PEX3: variants seen among roughly 807,000 people sequenced by gnomAD.
The protein encoded by PEX3 is peroxin-3.
Under a neutral mutation model 55.8 loss-of-function variants are expected in PEX3, and 30 were observed. The observed-to-expected ratio is 0.54, with a 90% CI of 0.40 to 0.73. The LOEUF (loss-of-function observed/expected upper bound fraction) is 0.73. Ranked by LOEUF, PEX3 falls within the 30% of genes least tolerant of loss-of-function variation. PEX3 has a pLI of 0.00. For missense variants in PEX3, 351 were observed against 432.8 expected (o/e 0.81, Z 1.68); for synonymous variants, 135 against 148.4 (o/e 0.91, Z 0.66).
intron 2 of PEX3, among the ~76,000 whole-genome samples, chr6:143,460,864 C>CAAAA (rs57329535): frequency 1.3e-5 from 1 of 76,182 alleles, no homozygotes. Flanking sequence ...AACTCTGTCT[C>CAAAA]AAAAAAAAAA....
chr6:143,474,942 G>T (rs1780131671), intron 9 of PEX3, 86 bp downstream of exon 9: 1 of 770,680 alleles, frequency 1.3e-6, no homozygotes, highest in East Asian at 2.5e-5. Context: ...GAACAACATG[G>T]TCGGTATAAT....
At chr6:143,484,434 T>G (rs1450694498) in intron 10 of PEX3, among the ~76,000 whole-genome samples, 1 of 152,104 alleles carries the variant, frequency 6.6e-6, no homozygotes, top group Non-Finnish European at 1.5e-5. Context: ...TGAGAAATCT[T>G]TAGAATATCT....
At position 143,462,277 on chromosome 6, in the gene PEX3, G is replaced by A. The variant is rs1779930030; in HGVS notation, c.206-639G>A. ...AGCAACTTTTAGTTTCTAACCCAGTGCACTTTTATTTATGTTATAATAAAT... is the reference window on the plus strand; with the variant it reads ...AGCAACTTTTAGTTTCTAACCCAGTACACTTTTATTTATGTTATAATAAAT... On this transcript the variant is annotated intron_variant, in intron 2 of 11. Transcript: ENST00000367591. This position sits in a 1 kb window ranked among gnomAD's most constrained non-coding sequence, Gnocchi z 4.1. 6.6e-6 allele frequency among the ~76,000 whole-genome samples: 1 copy of A among 152,018 alleles called. No homozygotes were observed. Among genetic ancestry groups the A allele is most frequent in the African/African-American group, 2.4e-5 (1 of 41,368 alleles).
Position 143,489,446 on chromosome 6 carries a change from G to A in PEX3, c.*220G>A, listed in dbSNP as rs117247312. On this transcript the variant is annotated 3_prime_UTR_variant, in exon 12 of 12. Transcript: ENST00000367591. The surrounding 1 kb of genome is among the most constrained non-coding windows in gnomAD (Gnocchi z 5.5). ...TTTTTGTGGGCATATATATATACAC[G>A]TGCAAATATCAGAATTGTTAATAAT... The A allele has an allele frequency of 5.7e-3, 2,125 of 374,232 alleles. 14 individuals carry two copies. The highest frequency in any genetic ancestry group is 7.7e-3 in the Non-Finnish European group (1,569 of 203,958). The allele number at this position is 374,232 out of a possible 1,614,324, so 23.2% of individuals were successfully genotyped here.
Position 143,475,971 on chromosome 6 carries a change from G to C in PEX3, c.818+1115G>C, listed in dbSNP as rs540639637. ...TAGGTCTTCATCCCTACTGGAATGT[G>C]TATGTTAGTGGGAGAGAAAAATAAT... On this transcript the variant is annotated intron_variant, in intron 9 of 11. Coordinates refer to ENST00000367591, the MANE Select transcript of PEX3 (RefSeq NM_003630.3). This position sits in a 1 kb window ranked among gnomAD's most constrained non-coding sequence, Gnocchi z 4.4. 1.1e-4 allele frequency among the ~76,000 whole-genome samples: 17 copies of C among 152,228 alleles called. No homozygotes were observed. Among genetic ancestry groups the C allele is most frequent in the Admixed American group, 2.6e-4 (4 of 15,290 alleles).
chr6:143,484,165 G>T (rs1309197726), intron 10 of PEX3, among the ~76,000 whole-genome samples: 1 of 151,978 alleles, frequency 6.6e-6, no homozygotes, highest in African/African-American at 2.4e-5. Context: ...CAACCCCAAC[G>T]CAAAAATGAG....
chr6:143,489,654 G>C lies in PEX3; in HGVS notation c.*428G>C, dbSNP rs2128748414. On this transcript the variant is annotated 3_prime_UTR_variant, in exon 12 of 12. Coordinates refer to ENST00000367591, the MANE Select transcript of PEX3 (RefSeq NM_003630.3). This position sits in a 1 kb window ranked among gnomAD's most constrained non-coding sequence, Gnocchi z 5.5. ...GAAAAATATGCTATTTAATTATAAT[G>C]TTCCCTAGACTGCTGTAAACAGAAG... 2 of 152,624 alleles carry C rather than the reference G, an allele frequency of 1.3e-5. No homozygotes were observed. Among genetic ancestry groups the C allele is most frequent in the East Asian group, 3.8e-4 (2 of 5,246 alleles). The allele number at this position is 152,624 out of a possible 1,614,324, so 9.5% of individuals were successfully genotyped here. A position where few individuals can be genotyped will look rare whatever the true frequency, so the allele number is the denominator to read the frequency against.
rs1780079929 is a variant in PEX3 at position 143,471,935 on chromosome 6, T to C, written c.579-225T>C. Among the ~76,000 whole-genome samples the C allele has an allele frequency of 6.6e-6, 1 of 152,192 alleles. No individual in the cohort carries two copies. Among genetic ancestry groups the C allele is most frequent in the African/African-American group, 2.4e-5 (1 of 41,456 alleles). On this transcript the variant is annotated intron_variant, in intron 7 of 11. Transcript: ENST00000367591. The surrounding 1 kb of genome is among the most constrained non-coding windows in gnomAD (Gnocchi z 5.4). ...CCATTTATACTAGTAATATCTATAA[T>C]TACAGTAGGAATTCTCTTATGGAAT...
intron 4 of PEX3, among the ~76,000 whole-genome samples, chr6:143,470,096 C>T (rs951482628): frequency 7.9e-5 from 12 of 152,064 alleles, no homozygotes; most frequent in African/African-American, 2.9e-4. Context: ...TCTACAGGTG[C>T]GTGCTGCCAT....
chr6:143,483,709 G>A lies in PEX3; in HGVS notation c.942-1443G>A, dbSNP rs575205022. 1.2e-4 allele frequency among the ~76,000 whole-genome samples: 19 copies of A among 152,170 alleles called. No homozygotes were observed. Among genetic ancestry groups the A allele is most frequent in the Admixed American group, 7.2e-4 (11 of 15,258 alleles). ...TGACTGGTTTGTGGAAAAGGAATTG[G>A]GTAAACAGGGACTGGGGCAGGACAG... On this transcript the variant is annotated intron_variant, in intron 10 of 11. Transcript: ENST00000367591. The surrounding 1 kb of genome is among the most constrained non-coding windows in gnomAD (Gnocchi z 4.3).
In PEX3 at chr6:143,471,506, G is replaced by A. The variant is rs1780073705; in HGVS notation, c.524-51G>A. The stretch of plus-strand genomic sequence containing the variant: ...TTTTAATTCATTTATTTTTATTATT[G>A]AGGAATTTTTAAACTAAGCAAGGCT... On this transcript the variant is annotated intron_variant, in intron 6 of 11. Coordinates refer to ENST00000367591, the MANE Select transcript of PEX3 (RefSeq NM_003630.3). This position sits in a 1 kb window ranked among gnomAD's most constrained non-coding sequence, Gnocchi z 5.4. 6.4e-7 allele frequency: 1 copy of A among 1,562,894 alleles called. No individual in the cohort carries two copies. Among genetic ancestry groups the A allele is most frequent in the African/African-American group, 1.4e-5 (1 of 73,812 alleles).
chr6:143,486,145 T>G lies in PEX3; in HGVS notation c.1038+897T>G, dbSNP rs1780320580. ...TGCACATTTTCCCACACTGGACTCT[T>G]CAGTCTTCTGTCCTCTTTCTCACCC... On this transcript the variant is annotated intron_variant, in intron 11 of 11. Transcript: ENST00000367591. This position sits in a 1 kb window ranked among gnomAD's most constrained non-coding sequence, Gnocchi z 5.0. 2.0e-5 allele frequency among the ~76,000 whole-genome samples: 3 copies of G among 152,176 alleles called. No individual in the cohort carries two copies. The highest frequency in any genetic ancestry group is 1.3e-4 in the Admixed American group (2 of 15,262).
In PEX3 at chr6:143,486,727, C is replaced by T. The variant is rs1263572965; in HGVS notation, c.1038+1479C>T. On this transcript the variant is annotated intron_variant, in intron 11 of 11. Transcript: ENST00000367591. This position sits in a 1 kb window ranked among gnomAD's most constrained non-coding sequence, Gnocchi z 5.0. ...GAATGCTAATTTACATAAAATTAGT[C>T]CTTTCGAATTACTGCTACTACTTCA... 2.0e-5 allele frequency among the ~76,000 whole-genome samples: 3 copies of T among 152,078 alleles called. No individual in the cohort carries two copies. The highest frequency in any genetic ancestry group is 2.9e-5 in the Non-Finnish European group (2 of 68,002).
chr6:143,463,038 T>G lies in PEX3; in HGVS notation c.287+41T>G, dbSNP rs768101669. 1 of 1,388,600 alleles carries G rather than the reference T, an allele frequency of 7.2e-7. No homozygotes were observed. The highest frequency in any genetic ancestry group is 1.0e-6 in the Non-Finnish European group (1 of 974,704). 86.0% of individuals were successfully genotyped at this position (1,388,600 alleles called of 1,614,324 possible). ...AGCATTTTCTGTTTAAGCACTACAC[T>G]TAAAGTTTATAGAATGAACTGATAG... On this transcript the variant is annotated intron_variant, in intron 3 of 11. Transcript: ENST00000367591. This position sits in a 1 kb window ranked among gnomAD's most constrained non-coding sequence, Gnocchi z 5.7.
chr6:143,477,147 A>G (rs951387517), intron 9 of PEX3, among the ~76,000 whole-genome samples: 1 of 152,204 alleles, frequency 6.6e-6, no homozygotes, highest in African/African-American at 2.4e-5. Context: ...GAGATAAGCT[A>G]ATTCAAAAGA....
At chr6:143,474,751 T>C (rs1449477607) in intron 8 of PEX3, 35 bp from the exon 9 acceptor site, 2 of 1,128,424 alleles carry the variant, frequency 1.8e-6, no homozygotes, top group Non-Finnish European at 2.7e-6. Context: ...GTGCTAATGT[T>C]TGAAAACCTT....
chr6:143,486,836 A>G lies in PEX3; in HGVS notation c.1038+1588A>G, dbSNP rs1780329148. Among the ~76,000 whole-genome samples the G allele has an allele frequency of 6.6e-6, 1 of 152,198 alleles. No individual in the cohort carries two copies. The highest frequency in any genetic ancestry group is 2.1e-4 in the South Asian group (1 of 4,836). On this transcript the variant is annotated intron_variant, in intron 11 of 11. Coordinates refer to ENST00000367591, the MANE Select transcript of PEX3 (RefSeq NM_003630.3). The surrounding 1 kb of genome is among the most constrained non-coding windows in gnomAD (Gnocchi z 5.0). ...AACTGTACAGGGCCAGATAGTACAT[A>G]CTTTAGGCTTAATGCAACATACATT...
chr6:143,478,081 A>T (rs1049906737), intron 9 of PEX3, among the ~76,000 whole-genome samples: 1 of 152,198 alleles, frequency 6.6e-6, no homozygotes, highest in African/African-American at 2.4e-5. Flanking sequence ...ATGGAGCCCT[A>T]TGTAGCAAAA....
chr6:143,455,359 A>ATTTT (rs56788350), intron 1 of PEX3, among the ~76,000 whole-genome samples: 33 of 71,982 alleles, frequency 4.6e-4, no homozygotes, highest in Admixed American at 8.4e-4. Flanking sequence ...CGCCCGGCTA[A>ATTTT]TTTTTTTTTT....
Sources: allele counts gnomAD v4.1 joint callset (sites outside exome capture counted in the v4.1 genomes callset), GRCh38; gene constraint gnomAD v4.1.1; non-coding constraint Gnocchi (gnomAD v3.1); transcripts MANE v1.5; gene names NCBI Gene and HGNC (gene_info 2026-07-23, HGNC 2026-07-21).